ZNF222: variants seen among roughly 807,000 people sequenced by gnomAD.
The protein encoded by ZNF222 is zinc finger protein 222.
Under a neutral mutation model 11.6 loss-of-function variants are expected in ZNF222, and 8 were observed. That is an observed-to-expected ratio of 0.69 (90% CI 0.41 to 1.25). The LOEUF (loss-of-function observed/expected upper bound fraction) is 1.25, where lower values mean the gene tolerates loss of function less well. Among genes scored for constraint, ZNF222 ranks in the 50% most tolerant of loss-of-function variants. ZNF222 has a pLI of 0.01. For synonymous variants in ZNF222, 171 were observed against 195.6 expected, an observed-to-expected ratio of 0.87 and a Z score of 1.05; for missense variants, 483 against 576.1, an observed-to-expected ratio of 0.84 and a Z score of 1.65.
chr19:44,026,875 A>C, intron 1 of ZNF222, 148 bp from the exon 2 acceptor site: 1 of 1,339,152 alleles, frequency 7.5e-7, no homozygotes, highest in Non-Finnish European at 1.0e-6. Context: ...GTCAGGACAC[A>C]AACAGAATAA....
chr19:44,032,462 G>A lies in ZNF222; in HGVS notation c.908G>A (p.Gly303Asp), dbSNP rs8112679. 7.2e-3 allele frequency: 11,613 copies of A among 1,614,170 alleles called. 357 individuals carry two copies. The African/African-American group carries it at 0.094, about 13-fold the overall frequency. ...AAGCCATTCAAATGTGAAATATGTGGTAAGAGCTTCTGTCTTAGGTCAAGT... is the reference window on the plus strand; with the variant it reads ...AAGCCATTCAAATGTGAAATATGTGATAAGAGCTTCTGTCTTAGGTCAAGT... The part of the protein sequence containing the change: ...GEKPFKCEIC[G>D]KSFCLRSSLN... Residue 303 changes from glycine (G) to aspartate (D), a missense_variant, in exon 4 of 4, where the codon GGT (glycine) becomes GAT (aspartate). Gly to Asp is a moderately conservative substitution (Grantham distance 94). Coordinates refer to ENST00000391960, the MANE Select transcript of ZNF222 (RefSeq NM_001129996.2).
chr19:44,026,043 A>G, intron 1 of ZNF222: 1 of 1,613,406 alleles, frequency 6.2e-7, no homozygotes, highest in African/African-American at 1.3e-5. Flanking sequence ...TTTCTAAAAG[A>G]GCTGCAGGAA....
intron 3 of ZNF222, among the ~76,000 whole-genome samples, chr19:44,029,180 TGTTTTG>T (rs1976442167): frequency 2.3e-5 from 3 of 129,174 alleles, no homozygotes; most frequent in African/African-American, 1.0e-4. Context: ...GTTGTTGGTT[TGTTTTG>T]TTTTGTTTTT....
At chr19:44,028,574 C>A (rs1327354963) in intron 3 of ZNF222, among the ~76,000 whole-genome samples, 1 of 152,146 alleles carries the variant, frequency 6.6e-6, no homozygotes, top group Non-Finnish European at 1.5e-5. Context: ...TCTTGGCCTG[C>A]CTGTGTTGTG....
rs1976533372 is a variant in ZNF222 at position 44,032,682 on chromosome 19, T to C, written c.1128T>C (p.Thr376=). The C allele has an allele frequency of 6.2e-7, 1 of 1,614,190 alleles. No individual in the cohort carries two copies. The highest frequency in any genetic ancestry group is 8.5e-7 in the Non-Finnish European group (1 of 1,180,026). ...TTTTGGTCCATCAACGAGTCCACAC[T>C]GGAGAAAAGCCATACAAATGTGAGG... ...SYLLVHQRVH[T]GEKPYKCEEC... The change falls in exon 4 of 4, where the codon ACT becomes ACC. Residue 376 remains threonine (T), a synonymous_variant. Coordinates refer to ENST00000391960, the MANE Select transcript of ZNF222 (RefSeq NM_001129996.2).
intron 3 of ZNF222, among the ~76,000 whole-genome samples, chr19:44,031,378 A>C (rs1976497574): frequency 6.6e-6 from 1 of 152,238 alleles, no homozygotes; most frequent in South Asian, 2.1e-4. Context: ...ATTAAAGTTA[A>C]ATCCCACATC....
chr19:44,032,763 C>A lies in ZNF222; in HGVS notation c.1209C>A (p.His403Gln), dbSNP rs1417650897. The A allele has an allele frequency of 1.2e-6, 2 of 1,614,040 alleles. No individual in the cohort carries two copies. The highest frequency in any genetic ancestry group is 2.7e-5 in the African/African-American group (2 of 74,898). ...GTCTTGACTTCCACCATAGAACCCACACGGGAGAGAGATCTTATAACTGTG... is the reference window on the plus strand; with the variant it reads ...GTCTTGACTTCCACCATAGAACCCAAACGGGAGAGAGATCTTATAACTGTG... ...KSGLDFHHRT[H>Q]TGERSYNCDN... The change falls in exon 4 of 4, where the codon CAC becomes CAA. Residue 403 changes from histidine to glutamine, a missense_variant. Transcript: ENST00000391960.
Position 44,027,475 on chromosome 19 carries a change from A to C in ZNF222, c.247A>C (p.Arg83=). 1 of 1,613,982 alleles carries C rather than the reference A, an allele frequency of 6.2e-7. No individual in the cohort carries two copies. Among genetic ancestry groups the C allele is most frequent in the Non-Finnish European group, 8.5e-7 (1 of 1,179,932 alleles). The change falls in exon 3 of 4, where the codon AGA becomes CGA. Residue 83 remains arginine (R), a synonymous_variant. Coordinates refer to ENST00000391960, the MANE Select transcript of ZNF222 (RefSeq NM_001129996.2). ...KFWVMGTTSQ[R]EGNLGGKIQT... is the part of the protein sequence containing the mutation. ...TTGGGTGATGGGGACAACAAGCCAA[A>C]GAGAAGGGAATTTGGGTAAGAACCA...
Position 44,027,404 on chromosome 19 carries a change from A to G in ZNF222, c.176A>G (p.Gln59Arg). 1.2e-6 allele frequency: 2 copies of G among 1,614,138 alleles called. No homozygotes were observed. Among genetic ancestry groups the G allele is most frequent in the Non-Finnish European group, 1.7e-6 (2 of 1,179,988 alleles). The change falls in exon 3 of 4, where the codon CAA (glutamine) becomes CGA (arginine). Residue 59 changes from glutamine to arginine, a missense_variant. Transcript: ENST00000391960. ...TGACTTTGCCTGTTCACAGGGCATC[A>G]ACCATTCCATGGAGATACTTTCCAC... The part of the protein sequence containing the change: ...NFRNLLSVGH[Q>R]PFHGDTFHFL...
chr19:44,027,005 A>G lies in ZNF222; in HGVS notation c.43-18A>G. The G allele has an allele frequency of 6.2e-7, 1 of 1,613,806 alleles. No homozygotes were observed. Among genetic ancestry groups the G allele is most frequent in the Non-Finnish European group, 8.5e-7 (1 of 1,179,808 alleles). On this transcript the variant is annotated intron_variant, in intron 1 of 3. Coordinates refer to ENST00000391960, the MANE Select transcript of ZNF222 (RefSeq NM_001129996.2). ...TCTTTGGCCGTAAGATTGAGGTGAC[A>G]TCTGCTTGATGTTGTAGGAGGCAGT...
chr19:44,028,407 C>T (rs970655660), intron 3 of ZNF222: 8 of 394,908 alleles, frequency 2.0e-5, no homozygotes, highest in African/African-American at 8.2e-5. Flanking sequence ...CTTCTGCCTC[C>T]GAGCCCTCAC....
intron 3 of ZNF222, among the ~76,000 whole-genome samples, chr19:44,028,622 C>T (rs1447350936): frequency 6.6e-6 from 1 of 152,196 alleles, no homozygotes; most frequent in Non-Finnish European, 1.5e-5. Context: ...TCGCCCCTCC[C>T]CTTTGCAATG....
chr19:44,032,759 C>G lies in ZNF222; in HGVS notation c.1205C>G (p.Thr402Ser), dbSNP rs891634829. 1 of 1,613,958 alleles carries G rather than the reference C, an allele frequency of 6.2e-7. No individual in the cohort carries two copies. Among genetic ancestry groups the G allele is most frequent in the Admixed American group, 1.7e-5 (1 of 60,002 alleles). ...TCAGGTCTTGACTTCCACCATAGAA[C>G]CCACACGGGAGAGAGATCTTATAAC... is the stretch of plus-strand genomic sequence containing the variant. The part of the protein sequence containing the change: ...SKSGLDFHHR[T>S]HTGERSYNCD... Residue 402 changes from threonine (T) to serine (S), a missense_variant, in exon 4 of 4, where the codon ACC (threonine) becomes AGC (serine). Transcript: ENST00000391960.
At chr19:44,029,186 G>GTTTTTTTTTTTT (rs1364529196) in intron 3 of ZNF222, among the ~76,000 whole-genome samples, 1 of 97,838 alleles carries the variant, frequency 1.0e-5, no homozygotes, top group African/African-American at 4.3e-5. Flanking sequence ...GGTTTGTTTT[G>GTTTTTTTTTTTT]TTTTGTTTTT....
chr19:44,028,651 T>C (rs1041321391), intron 3 of ZNF222, among the ~76,000 whole-genome samples: 3 of 152,218 alleles, frequency 2.0e-5, no homozygotes, highest in Non-Finnish European at 4.4e-5. Context: ...TGAAGGCATT[T>C]ATCTGTTTCT....
At chr19:44,027,261 G>A in intron 2 of ZNF222, 112 bp downstream of exon 2, 1 of 1,584,510 alleles carries the variant, frequency 6.3e-7, no homozygotes, top group Non-Finnish European at 8.6e-7. Context: ...AGTAAATTTT[G>A]CCTGGCTATT....
In ZNF222 at chr19:44,031,859, G is replaced by A; in HGVS notation, c.305G>A (p.Gly102Glu). 1 of 1,614,092 alleles carries A rather than the reference G, an allele frequency of 6.2e-7. No homozygotes were observed. Among genetic ancestry groups the A allele is most frequent in the Non-Finnish European group, 8.5e-7 (1 of 1,180,008 alleles). ...QTEMETVPEA[G>E]THEEFSCKQI... ...GAGATGGAGACTGTTCCAGAAGCAG[G>A]AACACATGAAGAATTTTCCTGCAAG... The change falls in exon 4 of 4, where the codon GGA (glycine) becomes GAA (glutamate). Residue 102 changes from glycine (G) to glutamate (E), a missense_variant. By Grantham distance (98) the Gly-to-Glu change is moderately conservative (BLOSUM62 -2). Coordinates refer to ENST00000391960, the MANE Select transcript of ZNF222 (RefSeq NM_001129996.2).
At chr19:44,028,190 C>A (rs981889739) in intron 3 of ZNF222, 8 of 398,998 alleles carry the variant, frequency 2.0e-5, no homozygotes. Flanking sequence ...CTTATGCCTT[C>A]CTCTTTCACC....
In ZNF222 at chr19:44,031,858, G is replaced by A. The variant is rs764754703; in HGVS notation, c.304G>A (p.Gly102Arg). Residue 102 changes from glycine to arginine, a missense_variant, in exon 4 of 4, where the codon GGA becomes AGA. Transcript: ENST00000391960. ...QTEMETVPEA[G>R]THEEFSCKQI... ...TGAGATGGAGACTGTTCCAGAAGCA[G>A]GAACACATGAAGAATTTTCCTGCAA... 1 of 1,614,122 alleles carries A rather than the reference G, an allele frequency of 6.2e-7. No homozygotes were observed. Among genetic ancestry groups the A allele is most frequent in the South Asian group, 1.1e-5 (1 of 91,086 alleles).
Sources: allele counts gnomAD v4.1 joint callset (sites outside exome capture counted in the v4.1 genomes callset), GRCh38; gene constraint gnomAD v4.1.1; transcripts MANE v1.5; gene names NCBI Gene and HGNC (gene_info 2026-07-23, HGNC 2026-07-21).